The following DKK2 variants were observed in gnomAD, a reference collection of about 807,000 sequenced individuals.
The protein encoded by DKK2 is dickkopf Wnt signaling pathway inhibitor 2.
Under a neutral mutation model 28.1 loss-of-function variants are expected in DKK2, and 11 were observed. The ratio of observed to expected loss-of-function variants is 0.39; its 90% CI spans 0.25 to 0.65. DKK2 has a LOEUF of 0.65. DKK2 is among the 30% of genes least tolerant of loss of function. The probability of loss-of-function intolerance (pLI) is 0.47; values close to 1 mark genes in which losing one functional copy is unlikely to be tolerated. For synonymous variants in DKK2, 135 were observed against 126.5 expected (o/e 1.07, Z -0.45); for missense variants, 326 against 335.5 (o/e 0.97, Z 0.22).
chr4:106,925,845 G>C lies in DKK2; in HGVS notation c.327C>G (p.Arg109=). ...GGCAGCACATGCCATCTCGGTGGCA[G>C]CGCTTCTTTTTTCTCCGACACACCA... The part of the protein sequence containing the change: ...ACMVCRRKKK[R]CHRDGMCCPS... Residue 109 remains arginine, a synonymous_variant, in exon 2 of 4, where the codon CGC becomes CGG. Coordinates refer to ENST00000285311, the MANE Select transcript of DKK2 (RefSeq NM_014421.3). The C allele has an allele frequency of 6.2e-7, 1 of 1,613,396 alleles. No individual in the cohort carries two copies. Among genetic ancestry groups the C allele is most frequent in the Non-Finnish European group, 8.5e-7 (1 of 1,179,796 alleles).
chr4:106,961,567 A>ACG (rs751555927), intron 1 of DKK2, among the ~76,000 whole-genome samples: 4 of 109,656 alleles, frequency 3.6e-5, no homozygotes, highest in African/African-American at 1.2e-4. Context: ...AACAGCCTGC[A>ACG]CACACACACA....
intron 1 of DKK2, among the ~76,000 whole-genome samples, chr4:106,956,389 T>G (rs1259233862): frequency 6.6e-6 from 1 of 152,128 alleles, no homozygotes; most frequent in Non-Finnish European, 1.5e-5. Flanking sequence ...TTCACAGAAT[T>G]GGAAAAAACT....
chr4:106,943,164 C>T (rs1186002734), intron 1 of DKK2, among the ~76,000 whole-genome samples: 2 of 152,122 alleles, frequency 1.3e-5, no homozygotes, highest in Non-Finnish European at 2.9e-5. Context: ...TGGCTGACCA[C>T]CCCAGATAAG....
chr4:106,926,783 A>T (rs1724431614), intron 1 of DKK2, among the ~76,000 whole-genome samples: 1 of 152,188 alleles, frequency 6.6e-6, no homozygotes, highest in African/African-American at 2.4e-5. Context: ...TTAAAAAAAA[A>T]TACATGTGAA....
intron 1 of DKK2, among the ~76,000 whole-genome samples, chr4:106,979,345 C>T (rs1481733066): frequency 6.6e-6 from 1 of 151,994 alleles, no homozygotes; most frequent in Non-Finnish European, 1.5e-5. Context: ...AATAAAACTC[C>T]AGGATTTGAA....
chr4:106,992,537 A>G (rs187605165), intron 1 of DKK2, among the ~76,000 whole-genome samples: 1 of 152,322 alleles, frequency 6.6e-6, no homozygotes. Flanking sequence ...GAAGATAGGG[A>G]TTGTATATGA....
At chr4:107,011,690 A>AGTGTGTGT (rs112855833) in intron 1 of DKK2, among the ~76,000 whole-genome samples, 156 of 146,892 alleles carry the variant, frequency 1.1e-3, no homozygotes, top group African/African-American at 3.6e-3. Context: ...TCTTTGTCTG[A>AGTGTGTGT]GTGTGTGTGT....
chr4:107,002,385 A>C (rs1379950600), intron 1 of DKK2, among the ~76,000 whole-genome samples: 3 of 152,210 alleles, frequency 2.0e-5, no homozygotes, highest in Non-Finnish European at 4.4e-5. Flanking sequence ...CAGAAGCTGG[A>C]TCTAATTTCC....
chr4:107,022,759 A>T (rs749468394), intron 1 of DKK2, among the ~76,000 whole-genome samples: 1 of 152,146 alleles, frequency 6.6e-6, no homozygotes, highest in Non-Finnish European at 1.5e-5. Context: ...GGATCAAGGC[A>T]ATGAAAAATT....
chr4:107,034,260 C>T (rs897835560), intron 1 of DKK2, among the ~76,000 whole-genome samples: 3 of 152,008 alleles, frequency 2.0e-5, no homozygotes, highest in Non-Finnish European at 2.9e-5. Flanking sequence ...CAGCATCAGT[C>T]GGTTCCAAGG....
At chr4:106,983,337 G>A (rs3083814) in intron 1 of DKK2, among the ~76,000 whole-genome samples, 70 of 120,488 alleles carry the variant, frequency 5.8e-4, no homozygotes, top group East Asian at 3.5e-3. Context: ...AGGAAGAAAG[G>A]AAGAAAGAAA....
intron 1 of DKK2, among the ~76,000 whole-genome samples, chr4:106,936,308 A>C (rs1367454757): frequency 6.6e-6 from 1 of 152,238 alleles, no homozygotes; most frequent in East Asian, 1.9e-4. Context: ...CTCAAGAACT[A>C]CGTGAAGAAT....
intron 1 of DKK2, among the ~76,000 whole-genome samples, chr4:106,977,111 G>C (rs528382607): frequency 6.6e-6 from 1 of 152,312 alleles, no homozygotes; most frequent in African/African-American, 2.4e-5. Flanking sequence ...GAGATCTGCT[G>C]TTAGTCTGTT....
chr4:106,964,398 T>C (rs1722736530), intron 1 of DKK2, among the ~76,000 whole-genome samples: 1 of 152,066 alleles, frequency 6.6e-6, no homozygotes, highest in African/African-American at 2.4e-5. Flanking sequence ...GGTTAATGGG[T>C]ACAAAAATGA....
intron 1 of DKK2, among the ~76,000 whole-genome samples, chr4:106,998,200 A>G (rs1487359072): frequency 6.6e-6 from 1 of 152,192 alleles, no homozygotes; most frequent in African/African-American, 2.4e-5. Flanking sequence ...TTTCCACAAA[A>G]TTAATGAATC....
intron 1 of DKK2, among the ~76,000 whole-genome samples, chr4:106,926,971 A>G (rs971027311): frequency 6.6e-6 from 1 of 152,200 alleles, no homozygotes; most frequent in African/African-American, 2.4e-5. Flanking sequence ...AAACTTACTC[A>G]GATTTTGAGG....
At position 106,924,657 on chromosome 4, in the gene DKK2, G is replaced by T; in HGVS notation, c.417C>A (p.Ile139=). The change falls in exon 3 of 4, where the codon ATC becomes ATA. Residue 139 remains isoleucine, a synonymous_variant. Transcript: ENST00000285311. Reference sequence around the variant, plus strand: ...TGTGCCGAGTACCATCCAGAGCCGGGATGTGAGGGGTTAAGATGCTTTCAG... The same window carrying T: ...TGTGCCGAGTACCATCCAGAGCCGGTATGTGAGGGGTTAAGATGCTTTCAG... ...PVTESILTPH[I]PALDGTRHRD... 4 of 1,613,834 alleles carry T rather than the reference G, an allele frequency of 2.5e-6. No individual in the cohort carries two copies. The highest frequency in any genetic ancestry group is 3.4e-6 in the Non-Finnish European group (4 of 1,179,820).
intron 1 of DKK2, among the ~76,000 whole-genome samples, chr4:106,997,233 T>C (rs1410261012): frequency 6.6e-6 from 1 of 152,184 alleles, no homozygotes; most frequent in African/African-American, 2.4e-5. Context: ...GAGCTCTTTC[T>C]TTCTATACTT....
intron 1 of DKK2, among the ~76,000 whole-genome samples, chr4:107,014,855 A>G (rs1578379036): frequency 1.3e-5 from 2 of 151,396 alleles, no homozygotes; most frequent in Non-Finnish European, 3.0e-5. Context: ...ACAGTCTTCT[A>G]TCAGTAGCCA....
Sources: allele counts gnomAD v4.1 joint callset (sites outside exome capture counted in the v4.1 genomes callset), GRCh38; gene constraint gnomAD v4.1.1; transcripts MANE v1.5; gene names NCBI Gene and HGNC (gene_info 2026-07-23, HGNC 2026-07-21).